Variants in KCNQ3 observed in about 807,000 individuals in gnomAD.
KCNQ3 encodes potassium voltage-gated channel subfamily KQT member 3.
In KCNQ3, 30 loss-of-function variants were observed where a neutral mutation model predicts 92.5. The ratio of observed to expected loss-of-function variants is 0.32; its 90% CI spans 0.24 to 0.44. The LOEUF (loss-of-function observed/expected upper bound fraction) is 0.44. KCNQ3 is among the 20% of genes least tolerant of loss of function. The probability of loss-of-function intolerance (pLI) is 1.00; values close to 1 mark genes in which losing one functional copy is unlikely to be tolerated. For missense variants in KCNQ3, 913 were observed against 1,140.3 expected, an observed-to-expected ratio of 0.80 and a Z score of 2.87; for synonymous variants, 450 against 468.8, an observed-to-expected ratio of 0.96 and a Z score of 0.52.
intron 1 of KCNQ3, among the ~76,000 whole-genome samples, chr8:132,456,927 C>T (rs2130854886): frequency 6.6e-6 from 1 of 152,230 alleles, no homozygotes; most frequent in South Asian, 2.1e-4. Flanking sequence ...TTCTTAAAGT[C>T]ATAAAAAACT....
intron 1 of KCNQ3, among the ~76,000 whole-genome samples, chr8:132,395,994 T>C (rs1820181746): frequency 6.6e-6 from 1 of 152,112 alleles, no homozygotes; most frequent in South Asian, 2.1e-4. Context: ...TCTGGAAGGA[T>C]TTGGGTTACT....
At chr8:132,429,114 A>G (rs1821181942) in intron 1 of KCNQ3, among the ~76,000 whole-genome samples, 1 of 152,250 alleles carries the variant, frequency 6.6e-6, no homozygotes, top group Non-Finnish European at 1.5e-5. Context: ...TACCTTCCCC[A>G]GCATTCATGT....
At chr8:132,185,696 G>A (rs181371043) in intron 2 of KCNQ3, among the ~76,000 whole-genome samples, 1 of 152,242 alleles carries the variant, frequency 6.6e-6, no homozygotes, top group Non-Finnish European at 1.5e-5. Flanking sequence ...TGGCCTTGGA[G>A]AGAATGAGAG....
intron 1 of KCNQ3, among the ~76,000 whole-genome samples, chr8:132,296,580 C>T (rs1817032336): frequency 6.6e-6 from 1 of 151,974 alleles, no homozygotes; most frequent in Non-Finnish European, 1.5e-5. Context: ...TGATGTTCCC[C>T]TTCCTGTGTC....
chr8:132,179,966 ACCACACCTG>A (rs1384942042), intron 4 of KCNQ3, among the ~76,000 whole-genome samples, 182 bp downstream of exon 4: 1 of 151,776 alleles, frequency 6.6e-6, no homozygotes, highest in East Asian at 1.9e-4. Context: ...TGCTCCCTGA[ACCACACCTG>A]CTCCTGCCCC....
chr8:132,470,307 A>G (rs752670596), intron 1 of KCNQ3, among the ~76,000 whole-genome samples: 19 of 152,308 alleles, frequency 1.2e-4, no homozygotes, highest in Non-Finnish European at 2.5e-4. Context: ...TTCTTTTTAA[A>G]CTATTTGCAA....
intron 1 of KCNQ3, among the ~76,000 whole-genome samples, chr8:132,282,183 G>A (rs1816541674): frequency 6.6e-6 from 1 of 152,152 alleles, no homozygotes; most frequent in African/African-American, 2.4e-5. Context: ...CCAGACTCCA[G>A]CAGAGTTTCA....
chr8:132,299,611 A>C (rs922032782), intron 1 of KCNQ3, among the ~76,000 whole-genome samples: 5 of 152,228 alleles, frequency 3.3e-5, no homozygotes, highest in African/African-American at 7.2e-5. Flanking sequence ...AAAAGTGATA[A>C]GAATGCAAAA....
chr8:132,421,790 A>G (rs1379084357), intron 1 of KCNQ3, among the ~76,000 whole-genome samples: 2 of 152,206 alleles, frequency 1.3e-5, no homozygotes, highest in African/African-American at 4.8e-5. Context: ...TGGCTGCAGA[A>G]TCACACAGGA....
chr8:132,354,612 G>C (rs974026608), intron 1 of KCNQ3, among the ~76,000 whole-genome samples: 4 of 152,158 alleles, frequency 2.6e-5, no homozygotes, highest in African/African-American at 9.7e-5. Context: ...CTTCCCACCT[G>C]CTTCTCAGAC....
intron 1 of KCNQ3, among the ~76,000 whole-genome samples, chr8:132,251,615 T>C (rs1157762455): frequency 6.6e-6 from 1 of 152,196 alleles, no homozygotes; most frequent in Non-Finnish European, 1.5e-5. Flanking sequence ...AGAGAAAGTG[T>C]GTTGGTCATG....
chr8:132,315,481 C>A (rs1817715146), intron 1 of KCNQ3, among the ~76,000 whole-genome samples: 4 of 152,032 alleles, frequency 2.6e-5, no homozygotes, highest in Admixed American at 2.6e-4. Flanking sequence ...TGAGCTATGA[C>A]CTTGGCTCGG....
chr8:132,175,327 G>A (rs1041348139), intron 5 of KCNQ3, 126 bp downstream of exon 5: 3 of 1,076,532 alleles, frequency 2.8e-6, no homozygotes, highest in Admixed American at 1.7e-5. Context: ...GCTGAAATTG[G>A]TCTAGAGCTT....
At chr8:132,359,326 A>G (rs1028805132) in intron 1 of KCNQ3, among the ~76,000 whole-genome samples, 1 of 152,088 alleles carries the variant, frequency 6.6e-6, no homozygotes, top group Admixed American at 6.5e-5. Context: ...ACACTTGCCA[A>G]TTTCCCAGCA....
chr8:132,166,317 C>A (rs1826142965), intron 8 of KCNQ3, among the ~76,000 whole-genome samples: 1 of 152,132 alleles, frequency 6.6e-6, no homozygotes, highest in Non-Finnish European at 1.5e-5. Flanking sequence ...CTCTCCCTAC[C>A]AGGAATAAAA....
chr8:132,337,061 C>G (rs546583317), intron 1 of KCNQ3, among the ~76,000 whole-genome samples: 1 of 152,286 alleles, frequency 6.6e-6, no homozygotes, highest in African/African-American at 2.4e-5. Context: ...TGGGTGCCAC[C>G]TTTGTCTAAT....
At chr8:132,215,073 C>G (rs1046446836) in intron 1 of KCNQ3, among the ~76,000 whole-genome samples, 1 of 152,152 alleles carries the variant, frequency 6.6e-6, no homozygotes, top group African/African-American at 2.4e-5. Context: ...CTGTCGTTCC[C>G]CCTGGCTGGA....
intron 1 of KCNQ3, among the ~76,000 whole-genome samples, chr8:132,214,414 T>G (rs1000207598): frequency 2.6e-5 from 4 of 152,214 alleles, no homozygotes; most frequent in African/African-American, 9.7e-5. Flanking sequence ...AGGAGCAGAA[T>G]TCTTTATTCA....
At position 132,235,008 on chromosome 8, in the gene KCNQ3, G is replaced by A. The variant is rs540582014; in HGVS notation, c.387-48827C>T. On this transcript the variant is annotated intron_variant, in intron 1 of 14. Transcript: ENST00000388996. Reference sequence around the variant, plus strand: ...TCATTGATTTATATACATTAAAATGGTGAATTTTGTGGTATGTGAATTATA... The same window carrying A: ...TCATTGATTTATATACATTAAAATGATGAATTTTGTGGTATGTGAATTATA... Among the ~76,000 whole-genome samples the A allele has an allele frequency of 2.6e-5, 4 of 152,258 alleles. No homozygotes were observed. The South Asian group carries it at 8.3e-4, about 32-fold the overall frequency.
Sources: gnomAD v4.1 joint callset for allele counts (sites outside exome capture counted in the v4.1 genomes callset) on GRCh38, gnomAD v4.1.1 for gene constraint, MANE v1.5 for transcripts, NCBI Gene and HGNC (gene_info 2026-07-23, HGNC 2026-07-21) for gene names.